The following AK5 variants were observed in gnomAD, a reference collection of about 807,000 sequenced individuals.
AK5 encodes adenylate kinase 5.
A neutral mutation model predicts 69.5 loss-of-function variants in AK5; 27 were observed. The observed-to-expected ratio is 0.39, with a 90% CI of 0.29 to 0.54. The LOEUF is 0.54. AK5 is among the 20% of genes least tolerant of loss of function. The pLI is 0.71. For synonymous variants in AK5, 260 were observed against 244.4 expected (o/e 1.06, Z -0.60); for missense variants, 531 against 700.4 (o/e 0.76, Z 2.73).
rs76270527 is a variant in AK5 at position 77,541,521 on chromosome 1, A to G, written c.1620+5483A>G. On this transcript the variant is annotated intron_variant, in intron 13 of 13. Coordinates refer to ENST00000354567, the MANE Select transcript of AK5 (RefSeq NM_174858.3). ...CCACATCTTTTTGCTGTGAATTTTA[A>G]AAACATGATTGTGATTGTAGGTAAT... 8.2e-3 allele frequency among the ~76,000 whole-genome samples: 1,252 copies of G among 152,346 alleles called. 18 individuals carry two copies. Among genetic ancestry groups the G allele is most frequent in the African/African-American group, 0.029 (1,196 of 41,566 alleles).
In AK5 at chr1:77,282,377, G is replaced by C; in HGVS notation, c.60+4G>C. 1.3e-6 allele frequency: 2 copies of C among 1,546,388 alleles called. No individual in the cohort carries two copies. Among genetic ancestry groups the C allele is most frequent in the Non-Finnish European group, 1.7e-6 (2 of 1,145,108 alleles). On this transcript the variant is annotated splice_donor_region_variant and intron_variant, in intron 1 of 13. Coordinates refer to ENST00000354567, the MANE Select transcript of AK5 (RefSeq NM_174858.3). ...GGAAATCCCTCAGCTTTTTGAGGTA[G>C]GGCTAGAGCTGGCCGACGGGCGGTA...
At chr1:77,512,211 G>A (rs146436201) in intron 10 of AK5, among the ~76,000 whole-genome samples, 37 of 152,214 alleles carry the variant, frequency 2.4e-4, no homozygotes, top group Middle Eastern at 3.4e-3. Flanking sequence ...CTTCACATAC[G>A]CTGTCACATA....
chr1:77,462,442 A>C (rs533100562), intron 8 of AK5, among the ~76,000 whole-genome samples: 1 of 152,090 alleles, frequency 6.6e-6, no homozygotes, highest in South Asian at 2.1e-4. Context: ...TTTTATAAAT[A>C]TTATAAAATA....
In AK5 at chr1:77,408,864, A is replaced by G. The variant is rs369325927; in HGVS notation, c.892-2117A>G. ...ATACATATTATTTCATCACCCAGGT[A>G]TTAAGCCCGGTATCTAATAGTTATA... On this transcript the variant is annotated intron_variant, in intron 6 of 13. Coordinates refer to ENST00000354567, the MANE Select transcript of AK5 (RefSeq NM_174858.3). Among the ~76,000 whole-genome samples the G allele has an allele frequency of 1.5e-4, 23 of 152,274 alleles. No individual in the cohort carries two copies. In the South Asian group the frequency reaches 4.6e-3, roughly 30 times the overall value.
At chr1:77,419,827 A>T (rs141691215) in intron 8 of AK5, among the ~76,000 whole-genome samples, 1 of 152,312 alleles carries the variant, frequency 6.6e-6, no homozygotes, top group African/African-American at 2.4e-5. Flanking sequence ...TTTTTAACAG[A>T]TAATAGTTGA....
Position 77,521,890 on chromosome 1 carries a change from C to G in AK5, c.1375C>G (p.Leu459Val), listed in dbSNP as rs1261926509. ...VASLGDTRGF[L>V]IDGYPREVKQ... ...CAGCCTCGGGGACACCAGGGGCTTC[C>G]TGATTGACGGCTATCCTCGGGAGGT... The change falls in exon 12 of 14, where the codon CTG becomes GTG. Residue 459 changes from leucine to valine, a missense_variant. By Grantham distance (32) the Leu-to-Val change is conservative. Coordinates refer to ENST00000354567, the MANE Select transcript of AK5 (RefSeq NM_174858.3). The G allele has an allele frequency of 1.9e-6, 3 of 1,613,458 alleles. No homozygotes were observed. The African/African-American group carries it at 4.0e-5, about 22-fold the overall frequency.
intron 6 of AK5, among the ~76,000 whole-genome samples, chr1:77,370,732 G>T (rs1358283679): frequency 6.6e-6 from 1 of 152,138 alleles, no homozygotes; most frequent in African/African-American, 2.4e-5. Context: ...TGGGTAAAAA[G>T]TGAGTGCCAG....
intron 6 of AK5, among the ~76,000 whole-genome samples, chr1:77,405,326 C>G (rs2100557405): frequency 6.6e-6 from 1 of 152,374 alleles, no homozygotes; most frequent in South Asian, 2.1e-4. Flanking sequence ...CAGTTAAGCA[C>G]TAGCTGTGTT....
intron 9 of AK5, among the ~76,000 whole-genome samples, chr1:77,485,252 G>A (rs1306343527): frequency 6.6e-6 from 1 of 152,096 alleles, no homozygotes; most frequent in Non-Finnish European, 1.5e-5. Flanking sequence ...TGGTTTCAAC[G>A]ATCCCAAACT....
intron 6 of AK5, among the ~76,000 whole-genome samples, chr1:77,401,516 CAAG>C (rs1236451155): frequency 6.6e-6 from 1 of 150,596 alleles, no homozygotes; most frequent in African/African-American, 2.5e-5. Flanking sequence ...ATTTCCCCAT[CAAG>C]AAGGAGAGGA....
Position 77,533,273 on chromosome 1 carries a change from T to C in AK5, c.1429-2574T>C, listed in dbSNP as rs1019407297. 5.3e-5 allele frequency among the ~76,000 whole-genome samples: 8 copies of C among 152,254 alleles called. No individual in the cohort carries two copies. In the South Asian group the frequency reaches 8.3e-4, roughly 16 times the overall value. ...GCTCACACCTGTAATCCCAGTACTT[T>C]GAGAGGCTGAGGTGGGTGGATCACT... On this transcript the variant is annotated intron_variant, in intron 12 of 13. Coordinates refer to ENST00000354567, the MANE Select transcript of AK5 (RefSeq NM_174858.3).
At chr1:77,432,038 C>T (rs1242016534) in intron 8 of AK5, among the ~76,000 whole-genome samples, 2 of 152,162 alleles carry the variant, frequency 1.3e-5, no homozygotes, top group Middle Eastern at 3.2e-3. Flanking sequence ...TTATCAAGAA[C>T]TTGTGCGTGA....
At chr1:77,386,177 C>A (rs1307671096) in intron 6 of AK5, among the ~76,000 whole-genome samples, 1 of 152,076 alleles carries the variant, frequency 6.6e-6, no homozygotes, top group Non-Finnish European at 1.5e-5. Flanking sequence ...TCTTTGAGCC[C>A]TTAGTAAATC....
At chr1:77,293,764 CT>C in intron 2 of AK5, 28 bp from the exon 3 acceptor site, 3 of 1,550,536 alleles carry the variant, frequency 1.9e-6, no homozygotes, top group Non-Finnish European at 2.6e-6. Flanking sequence ...GTGTTTTTTC[CT>C]TTTCAAAGTT....
intron 10 of AK5, among the ~76,000 whole-genome samples, chr1:77,517,062 C>A (rs1657690340): frequency 1.2e-5 from 1 of 84,156 alleles, no homozygotes. Context: ...TAAAGCAAGA[C>A]CATCTCAAAA....
intron 8 of AK5, among the ~76,000 whole-genome samples, chr1:77,445,086 C>A (rs1652665866): frequency 6.6e-6 from 1 of 152,052 alleles, no homozygotes; most frequent in Non-Finnish European, 1.5e-5. Context: ...AAAAATGCTG[C>A]AATGAGCATG....
At chr1:77,460,037 C>T (rs570527656) in intron 8 of AK5, among the ~76,000 whole-genome samples, 8 of 152,212 alleles carry the variant, frequency 5.3e-5, no homozygotes, top group African/African-American at 1.9e-4. Context: ...ACTTCAGGCT[C>T]AAAGTACATC....
At chr1:77,531,982 GC>G (rs1046912050) in intron 12 of AK5, 12 of 107,162 alleles carry the variant, frequency 1.1e-4, no homozygotes, top group Admixed American at 7.8e-4. Flanking sequence ...CTCACTGCCT[GC>G]GGCCATCCGG....
rs778586047 is a variant in AK5, at chr1:77,545,975, CTT to C, written c.1620+9941_1620+9942del. On this transcript the variant is annotated intron_variant, in intron 13 of 13. Coordinates refer to ENST00000354567, the MANE Select transcript of AK5 (RefSeq NM_174858.3). ...ATCTGGCTCTGAGAGACTTAAGAGA[CTT>C]TTTCTTTATGACTCTGCTTAAAATA... Among the ~76,000 whole-genome samples the C allele has an allele frequency of 2.4e-4, 37 of 152,296 alleles. No individual in the cohort carries two copies. In the South Asian group the frequency reaches 3.1e-3, roughly 13 times the overall value.
Sources: allele counts gnomAD v4.1 joint callset (sites outside exome capture counted in the v4.1 genomes callset), GRCh38; gene constraint gnomAD v4.1.1; transcripts MANE v1.5; gene names NCBI Gene and HGNC (gene_info 2026-07-23, HGNC 2026-07-21).